NLRP11: variants seen among roughly 807,000 people sequenced by gnomAD.
NLRP11 encodes NLR family pyrin domain containing 11.
In NLRP11, 53 loss-of-function variants were observed where a neutral mutation model predicts 79.3. The observed-to-expected ratio is 0.67, with a 90% confidence interval of 0.54 to 0.84. The LOEUF (loss-of-function observed/expected upper bound fraction) is 0.84, where lower values mean the gene tolerates loss of function less well. NLRP11 is among the 40% of genes least tolerant of loss of function. The probability of loss-of-function intolerance (pLI) is 0.00; values close to 1 mark genes in which losing one functional copy is unlikely to be tolerated. For missense variants in NLRP11, 1,264 were observed against 1,255.0 expected (o/e 1.01, Z -0.11); for synonymous variants, 518 against 462.6 (o/e 1.12, Z -1.54).
intron 6 of NLRP11, 49 bp downstream of exon 6, chr19:55,796,031 T>C: frequency 6.6e-7 from 1 of 1,515,186 alleles, no homozygotes; most frequent in Non-Finnish European, 9.1e-7. Context: ...GCTTAGATAT[T>C]CAAGTCAGTC....
intron 2 of NLRP11, among the ~76,000 whole-genome samples, chr19:55,813,476 T>C (rs1600193530): frequency 6.6e-6 from 1 of 152,180 alleles, no homozygotes; most frequent in African/African-American, 2.4e-5. Context: ...CCATTTGAGT[T>C]TTGTTTTCCA....
chr19:55,813,289 C>A (rs1980782440), intron 2 of NLRP11, among the ~76,000 whole-genome samples: 1 of 152,264 alleles, frequency 6.6e-6, no homozygotes, highest in African/African-American at 2.4e-5. Context: ...GATTGCACCA[C>A]TGCACTCCAG....
Position 55,808,902 on chromosome 19 carries a change from CTG to C in NLRP11, c.1706_1707del (p.Thr569SerfsTer26). 6.2e-7 allele frequency: 1 copy of C among 1,614,114 alleles called. No homozygotes were observed. The highest frequency in any genetic ancestry group is 8.5e-7 in the Non-Finnish European group (1 of 1,179,994). The stretch of plus-strand genomic sequence containing the variant: ...ATATCCTTGTCTGATTGAAGGTAAA[CTG>C]TAACCTCCATGAGAGCATCCACAAT... On this transcript the variant is annotated frameshift_variant, in exon 3 of 10. Transcript: ENST00000589093. LOFTEE classifies it high-confidence loss of function.
intron 1 of NLRP11, among the ~76,000 whole-genome samples, chr19:55,827,925 C>T (rs951784324): frequency 1.3e-4 from 20 of 151,734 alleles, no homozygotes; most frequent in Non-Finnish European, 5.9e-5. Flanking sequence ...GGTATATACC[C>T]AAATGACTAT....
At chr19:55,829,654 G>A (rs1346424274) in intron 1 of NLRP11, among the ~76,000 whole-genome samples, 17 of 81,514 alleles carry the variant, frequency 2.1e-4, no homozygotes, top group African/African-American at 6.8e-4. Flanking sequence ...GCGAGACTCC[G>A]TCTCAAAAAA....
intron 5 of NLRP11, among the ~76,000 whole-genome samples, chr19:55,800,062 T>C (rs1038777819): frequency 1.3e-5 from 2 of 151,992 alleles, no homozygotes; most frequent in African/African-American, 4.8e-5. Context: ...GCAGTAGGAT[T>C]AAAGGGTGGG....
At chr19:55,793,642 G>C (rs1450927436) in intron 6 of NLRP11, among the ~76,000 whole-genome samples, 2 of 149,912 alleles carry the variant, frequency 1.3e-5, no homozygotes, top group African/African-American at 4.9e-5. Flanking sequence ...TCTGGTATGG[G>C]AAAAGGGTAC....
At chr19:55,789,273 T>C (rs761593692) in exon 8 of NLRP11, 10 of 1,613,996 alleles carry the variant, frequency 6.2e-6, no homozygotes, top group Non-Finnish European at 8.5e-6. Flanking sequence ...AACCACCACA[T>C]AGCAGCTGCA....
chr19:55,802,942 C>T (rs1014289086), intron 4 of NLRP11, among the ~76,000 whole-genome samples: 1 of 152,158 alleles, frequency 6.6e-6, no homozygotes, highest in African/African-American at 2.4e-5. Context: ...ATAAATGGTG[C>T]TGGGGTAACT....
At chr19:55,800,119 G>A (rs1329783231) in intron 5 of NLRP11, among the ~76,000 whole-genome samples, 2 of 152,150 alleles carry the variant, frequency 1.3e-5, no homozygotes, top group South Asian at 2.1e-4. Context: ...AGGAGGTGCC[G>A]TTAGAGCATG....
In NLRP11 at chr19:55,810,240, C is replaced by T. The variant is rs138370524; in HGVS notation, c.370G>A (p.Val124Ile). 2.0e-5 allele frequency: 32 copies of T among 1,613,898 alleles called. No individual in the cohort carries two copies. The highest frequency in any genetic ancestry group is 6.7e-5 in the African/African-American group (5 of 74,896). ...AGTATGTAGAACACATCTGACGAAA[C>T]GTCACGAAAAAATTTATAATGAAAT... Residue 124 changes from valine to isoleucine, a missense_variant, in exon 3 of 10, where the codon GTT becomes ATT. Transcript: ENST00000589093.
At chr19:55,801,655 G>A (rs1459330777) in exon 5 of NLRP11, 1 of 1,613,824 alleles carries the variant, frequency 6.2e-7, no homozygotes, top group East Asian at 2.2e-5. Context: ...ACGTACAGTT[G>A]ATACTCAGGT....
intron 4 of NLRP11, among the ~76,000 whole-genome samples, chr19:55,802,987 C>A (rs10407000): frequency 0.019 from 2,930 of 152,214 alleles, 90 homozygotes; most frequent in African/African-American, 0.068. Context: ...AACTGAATGC[C>A]TTCTTCACAC....
intron 6 of NLRP11, among the ~76,000 whole-genome samples, chr19:55,794,495 TCA>T (rs1290632330): frequency 5.9e-5 from 9 of 152,200 alleles, no homozygotes; most frequent in African/African-American, 2.2e-4. Flanking sequence ...ACACAGTGGC[TCA>T]CATCTGTAAT....
exon 10 of NLRP11, chr19:55,785,493 T>TCTCACA (rs1491227230): frequency 4.0e-5 from 17 of 424,652 alleles, no homozygotes; most frequent in African/African-American, 2.8e-4. Flanking sequence ...TGGATCAAGG[T>TCTCACA]CACACACACA....
rs59055964 is a variant in NLRP11 at position 55,819,126 on chromosome 19, T to TACACAC, written c.-62-896_-62-891dup. On this transcript the variant is annotated intron_variant, in intron 1 of 9. Coordinates refer to ENST00000589093, the Ensembl canonical transcript of NLRP11. The stretch of plus-strand genomic sequence containing the variant: ...CCCCACTGTACTGAGTGGTATCGCC[T>TACACAC]ACACACACACACACACACACACACA... Among the ~76,000 whole-genome samples the TACACAC allele has an allele frequency of 5.1e-3, 538 of 105,238 alleles. 12 individuals are homozygous for TACACAC. The highest frequency in any genetic ancestry group is 7.5e-3 in the Non-Finnish European group (360 of 48,080). 69.0% of individuals were successfully genotyped at this position (105,238 alleles called of 152,430 possible). A position where few individuals can be genotyped will look rare whatever the true frequency, so the allele number is the denominator to read the frequency against.
Position 55,818,266 on chromosome 19 carries a change from A to G in NLRP11, c.-62-30T>C, listed in dbSNP as rs1364031027. ...AAATAGATGTGGAATCAGACAATCA[A>G]ACCACACAGTAATGCCAATTCATCC... On this transcript the variant is annotated intron_variant, in intron 1 of 9. Coordinates refer to ENST00000589093, the Ensembl canonical transcript of NLRP11. The G allele has an allele frequency of 4.0e-6, 4 of 997,388 alleles. No homozygotes were observed. The Admixed American group carries it at 6.9e-5, about 17-fold the overall frequency. The allele number at this position is 997,388 out of a possible 1,614,324, so 61.8% of individuals were successfully genotyped here. A position where few individuals can be genotyped will look rare whatever the true frequency, so the allele number is the denominator to read the frequency against.
At chr19:55,793,471 G>A (rs1447363915) in intron 6 of NLRP11, among the ~76,000 whole-genome samples, 2 of 146,406 alleles carry the variant, frequency 1.4e-5, no homozygotes, top group African/African-American at 2.5e-5. Context: ...GGGAGGCTGA[G>A]GCAGGAGAAC....
At chr19:55,790,449 T>C (rs1410859388) in intron 7 of NLRP11, among the ~76,000 whole-genome samples, 2 of 152,222 alleles carry the variant, frequency 1.3e-5, no homozygotes, top group African/African-American at 4.8e-5. Context: ...TACAGTTTGC[T>C]GACCTCTGGT....
Sources: allele counts gnomAD v4.1 joint callset (sites outside exome capture counted in the v4.1 genomes callset), GRCh38; gene constraint gnomAD v4.1.1; transcripts MANE v1.5; gene names NCBI Gene and HGNC (gene_info 2026-07-23, HGNC 2026-07-21).